COL5A1: variants seen among roughly 807,000 people sequenced by gnomAD.
COL5A1 encodes collagen alpha-1(V) chain.
Under a neutral mutation model 263.7 loss-of-function variants are expected in COL5A1, and 16 were observed. The ratio of observed to expected loss-of-function variants is 0.06; its 90% CI spans 0.04 to 0.09. The LOEUF is 0.09. Ranked by LOEUF, COL5A1 falls within the 10% of genes least tolerant of loss-of-function variation. COL5A1 has a pLI of 1.00. For synonymous variants in COL5A1, 1,012 were observed against 1,004.5 expected, an observed-to-expected ratio of 1.01 and a Z score of -0.14; for missense variants, 2,036 against 2,540.5, an observed-to-expected ratio of 0.80 and a Z score of 4.27.
chr9:134,750,549 C>T lies in COL5A1; in HGVS notation c.1502C>T (p.Pro501Leu). The T allele has an allele frequency of 1.2e-6, 2 of 1,613,692 alleles. No individual in the cohort carries two copies. Among genetic ancestry groups the T allele is most frequent in the Non-Finnish European group, 1.7e-6 (2 of 1,180,010 alleles). ...TTGGCCCCTTGTCTTCAGGGCCCCC[C>T]TGGACGCCCAGGCCTTCCTGGGGCC... ...QVGDPGERGP[P>L]GRPGLPGADG... Residue 501 changes from proline (P) to leucine (L), a missense_variant, in exon 12 of 66, where the codon CCT (proline) becomes CTT (leucine). By Grantham distance (98) the Pro-to-Leu change is moderately conservative. This residue lies in a region of COL5A1 where 1,078 missense variants were observed against 1,521.4 expected (regional missense o/e 0.71). Transcript: ENST00000371817.
intron 36 of COL5A1, among the ~76,000 whole-genome samples, chr9:134,797,352 G>A (rs1385190532): frequency 6.6e-6 from 1 of 152,202 alleles, no homozygotes; most frequent in Admixed American, 6.5e-5. Flanking sequence ...GGGAGATGGG[G>A]TACCAGGCCT....
intron 1 of COL5A1, among the ~76,000 whole-genome samples, chr9:134,655,444 G>A (rs1831934317): frequency 6.6e-6 from 1 of 152,072 alleles, no homozygotes; most frequent in Admixed American, 6.5e-5. Context: ...ATGAGCCTGA[G>A]CTCAGTGCTG....
rs184609969 is a variant in COL5A1, at chr9:134,743,075, C to T, written c.1494+4267C>T. ...GTGTGTGCCCCAGAGCTGGTGTCCA[C>T]GGATATTTGTGCCTAAGAAATGTTC... On this transcript the variant is annotated intron_variant, in intron 11 of 65. Transcript: ENST00000371817. 2.5e-3 allele frequency among the ~76,000 whole-genome samples: 379 copies of T among 152,302 alleles called. 2 individuals are homozygous for T. The highest frequency in any genetic ancestry group is 8.8e-3 in the African/African-American group (365 of 41,562).
At chr9:134,690,784 G>A (rs989805695) in intron 1 of COL5A1, 128 bp from the exon 2 acceptor site, 2 of 1,163,384 alleles carry the variant, frequency 1.7e-6, no homozygotes, top group African/African-American at 3.1e-5. Context: ...CTGGTCCTGG[G>A]GCTCTTCTGA....
At chr9:134,710,561 G>A (rs1833994005) in intron 4 of COL5A1, among the ~76,000 whole-genome samples, 1 of 139,004 alleles carries the variant, frequency 7.2e-6, no homozygotes, top group Admixed American at 7.1e-5. Flanking sequence ...CAGTGGTGGG[G>A]GGGCCCCATT....
chr9:134,800,788 G>C (rs995637478), intron 37 of COL5A1, among the ~76,000 whole-genome samples: 6 of 147,650 alleles, frequency 4.1e-5, no homozygotes, highest in Middle Eastern at 3.5e-3. Flanking sequence ...CTAGTCTGCT[G>C]TGGGTTCATG....
intron 39 of COL5A1, among the ~76,000 whole-genome samples, chr9:134,803,659 A>G (rs933477522): frequency 4.6e-5 from 7 of 151,950 alleles, no homozygotes; most frequent in African/African-American, 1.7e-4. Context: ...CAAAAAACAC[A>G]GTGAAACCCC....
At chr9:134,760,470 T>C (rs115127914) in intron 18 of COL5A1, among the ~76,000 whole-genome samples, 5,403 of 31,700 alleles carry the variant, frequency 0.17, 545 homozygotes, top group African/African-American at 0.32. Context: ...CACCCCCACA[T>C]TCATACACAC....
Position 134,690,894 on chromosome 9 carries a change from C to T in COL5A1, c.110-18C>T. 6.2e-7 allele frequency: 1 copy of T among 1,613,378 alleles called. No homozygotes were observed. Among genetic ancestry groups the T allele is most frequent in the Non-Finnish European group, 8.5e-7 (1 of 1,180,016 alleles). On this transcript the variant is annotated intron_variant, in intron 1 of 65. Transcript: ENST00000371817. ...TTTCCTCTCCGTGGCTAACTCTGCT[C>T]CTCCTCTGTCATTTCAGCTCAGCCA...
At chr9:134,732,772 G>A (rs191392259) in intron 9 of COL5A1, 234 of 159,770 alleles carry the variant, frequency 1.5e-3, no homozygotes, top group African/African-American at 5.0e-3. Context: ...TAGCGAGGAC[G>A]TTCTAGATGC....
chr9:134,746,353 C>T (rs1200980861), intron 11 of COL5A1, among the ~76,000 whole-genome samples: 2 of 152,238 alleles, frequency 1.3e-5, no homozygotes, highest in African/African-American at 2.4e-5. Context: ...TGCAGGCCTA[C>T]AGCTCCTCCC....
Position 134,810,463 on chromosome 9 carries a change from G to A in COL5A1, c.3528+155G>A, listed in dbSNP as rs34469754. ...TCCCGTGCATGTGTGTTCCCACAACGTGTGTGTGTGCACACGCGTGCATAT... is the reference window on the plus strand; with the variant it reads ...TCCCGTGCATGTGTGTTCCCACAACATGTGTGTGTGCACACGCGTGCATAT... On this transcript the variant is annotated intron_variant, in intron 44 of 65. Coordinates refer to ENST00000371817, the MANE Select transcript of COL5A1 (RefSeq NM_000093.5). The A allele has an allele frequency of 0.045, 30,771 of 680,704 alleles. 845 individuals are homozygous for A. The highest frequency in any genetic ancestry group is 0.057 in the Non-Finnish European group (22,266 of 388,562). 42.2% of individuals were successfully genotyped at this position (680,704 alleles called of 1,614,324 possible). A position where few individuals can be genotyped will look rare whatever the true frequency, so the allele number is the denominator to read the frequency against.
At chr9:134,720,324 C>T (rs1190332299) in intron 4 of COL5A1, among the ~76,000 whole-genome samples, 1 of 152,208 alleles carries the variant, frequency 6.6e-6, no homozygotes, top group African/African-American at 2.4e-5. Context: ...CAGCCCCTGG[C>T]CCTTTGTTTC....
chr9:134,682,873 G>A lies in COL5A1; in HGVS notation c.110-8039G>A, dbSNP rs1213540352. ...GGGGACTGCGGCCAGCACATCATCCGGTGGGGACAGACAGCCTGGGCTTCA... is the reference window on the plus strand; with the variant it reads ...GGGGACTGCGGCCAGCACATCATCCAGTGGGGACAGACAGCCTGGGCTTCA... On this transcript the variant is annotated intron_variant, in intron 1 of 65. Transcript: ENST00000371817. This position sits in a 1 kb window ranked among gnomAD's most constrained non-coding sequence, Gnocchi z 5.1. Among the ~76,000 whole-genome samples, 6 of 152,170 alleles carry A rather than the reference G, an allele frequency of 3.9e-5. No homozygotes were observed. Among genetic ancestry groups the A allele is most frequent in the African/African-American group, 7.2e-5 (3 of 41,436 alleles).
chr9:134,820,283 C>T, intron 58 of COL5A1, 60 bp downstream of exon 58: 2 of 1,342,548 alleles, frequency 1.5e-6, no homozygotes, highest in Non-Finnish European at 2.1e-6. Context: ...ATCCCTGGGG[C>T]AGGCACCCAG....
chr9:134,821,858 C>T lies in COL5A1; in HGVS notation c.4555-239C>T, dbSNP rs566433838. Among the ~76,000 whole-genome samples, 2 of 152,310 alleles carry T rather than the reference C, an allele frequency of 1.3e-5. No individual in the cohort carries two copies. The highest frequency in any genetic ancestry group is 3.9e-4 in the East Asian group (2 of 5,180). The stretch of plus-strand genomic sequence containing the variant: ...GGGGATGAGAGTGAGTTCCTGGCAG[C>T]CCAGCCGGGGGAGCAGTGCCGAGGG... On this transcript the variant is annotated intron_variant, in intron 58 of 65. Coordinates refer to ENST00000371817, the MANE Select transcript of COL5A1 (RefSeq NM_000093.5). This position sits in a 1 kb window ranked among gnomAD's most constrained non-coding sequence, Gnocchi z 4.2.
chr9:134,751,037 C>T (rs978800226), intron 13 of COL5A1, among the ~76,000 whole-genome samples, 155 bp downstream of exon 13: 39 of 152,082 alleles, frequency 2.6e-4, no homozygotes, highest in Non-Finnish European at 3.1e-4. Flanking sequence ...GCTGTGGGAG[C>T]GTCCAGTCCT....
chr9:134,671,700 A>G (rs1832543210), intron 1 of COL5A1, among the ~76,000 whole-genome samples: 1 of 152,158 alleles, frequency 6.6e-6, no homozygotes, highest in African/African-American at 2.4e-5. Flanking sequence ...AGGGGCTTTC[A>G]TTTGTAACTG....
chr9:134,651,580 G>A (rs1162626369), intron 1 of COL5A1, among the ~76,000 whole-genome samples: 2 of 152,210 alleles, frequency 1.3e-5, no homozygotes, highest in African/African-American at 4.8e-5. Flanking sequence ...CTGTAGTTTC[G>A]TCTTTCTTCT....
Sources: allele counts gnomAD v4.1 joint callset (sites outside exome capture counted in the v4.1 genomes callset), GRCh38; gene constraint gnomAD v4.1.1; regional missense constraint gnomAD v4.1.1; non-coding constraint Gnocchi (gnomAD v3.1); transcripts MANE v1.5; gene names NCBI Gene and HGNC (gene_info 2026-07-23, HGNC 2026-07-21).